RYR2: variants seen among roughly 807,000 people sequenced by gnomAD.
The protein encoded by RYR2 is cardiac muscle ryanodine receptor-calcium release channel.
RYR2 carries 227 observed loss-of-function variants against 601.1 expected under a neutral mutation model. That is an observed-to-expected ratio of 0.38 (90% CI 0.34 to 0.42). The LOEUF (loss-of-function observed/expected upper bound fraction) is 0.42, where lower values mean the gene tolerates loss of function less well. Among genes scored for constraint, RYR2 ranks in the 10% least tolerant of loss-of-function variants. The pLI, the probability that RYR2 is intolerant of heterozygous loss-of-function variation, is 1.00. For missense variants in RYR2, 4,646 were observed against 6,156.5 expected (o/e 0.75, Z 8.21); for synonymous variants, 2,223 against 2,175.1 (o/e 1.02, Z -0.61).
At chr1:237,365,108 C>T (rs1700082565) in intron 5 of RYR2, among the ~76,000 whole-genome samples, 1 of 152,180 alleles carries the variant, frequency 6.6e-6, no homozygotes, top group South Asian at 2.1e-4. Context: ...TACCTTTCTC[C>T]TATAACATTT....
chr1:237,754,447 C>T (rs1481427311), intron 80 of RYR2, among the ~76,000 whole-genome samples: 1 of 152,128 alleles, frequency 6.6e-6, no homozygotes, highest in Non-Finnish European at 1.5e-5. Flanking sequence ...TGTTTTTTCT[C>T]AAGAGTGTGT....
chr1:237,780,127 ATATT>A (rs10546808), intron 88 of RYR2, among the ~76,000 whole-genome samples: 10,746 of 152,096 alleles, frequency 0.071, 903 homozygotes, highest in African/African-American at 0.21. Flanking sequence ...GTTAGAAACT[ATATT>A]TATTAGTGTT....
chr1:237,576,178 A>G (rs749354829), intron 29 of RYR2, among the ~76,000 whole-genome samples: 3 of 152,232 alleles, frequency 2.0e-5, no homozygotes, highest in Non-Finnish European at 2.9e-5. Context: ...TAATTCTTCC[A>G]AAAGTGATCT....
intron 1 of RYR2, among the ~76,000 whole-genome samples, chr1:237,206,199 C>A (rs994498045): frequency 6.6e-6 from 1 of 152,134 alleles, no homozygotes. Flanking sequence ...GGACCGTGAG[C>A]CACTAGGACC....
rs1432987947 is a variant in RYR2 at position 237,655,922 on chromosome 1, G to T, written c.8067G>T (p.Met2689Ile). 1 of 1,612,792 alleles carries T rather than the reference G, an allele frequency of 6.2e-7. No individual in the cohort carries two copies. The highest frequency in any genetic ancestry group is 1.1e-5 in the South Asian group (1 of 90,862). The change falls in exon 53 of 105, where the codon ATG becomes ATT. Residue 2689 changes from methionine to isoleucine, a missense_variant. Around this residue, in one of 17 missense-constraint regions of RYR2, gnomAD observed 1,497 missense variants for 1,842.6 expected, o/e 0.81. Transcript: ENST00000366574. ...DYMESNYVSM[M>I]EKQSSMDSEG... ...TGGAGTCAAATTATGTCAGTATGAT[G>T]GAAAAACAGTCATCAATGGATTCTG...
chr1:237,670,555 C>T (rs1326075526), intron 58 of RYR2, among the ~76,000 whole-genome samples: 1 of 152,032 alleles, frequency 6.6e-6, no homozygotes, highest in African/African-American at 2.4e-5. Flanking sequence ...CAGGGTATTG[C>T]CCACATAACT....
chr1:237,691,644 G>C (rs998943669), intron 63 of RYR2, among the ~76,000 whole-genome samples: 1 of 152,126 alleles, frequency 6.6e-6, no homozygotes, highest in Non-Finnish European at 1.5e-5. Context: ...ACCATTTTAT[G>C]TTATGTTTAA....
chr1:237,235,032 C>G (rs1246361552), intron 1 of RYR2, among the ~76,000 whole-genome samples: 3 of 152,066 alleles, frequency 2.0e-5, no homozygotes, highest in African/African-American at 7.3e-5. Context: ...CTTGGTGTCC[C>G]TTTGAAGGGT....
intron 10 of RYR2, among the ~76,000 whole-genome samples, chr1:237,401,686 G>A (rs954559092): frequency 6.6e-6 from 1 of 152,186 alleles, no homozygotes; most frequent in African/African-American, 2.4e-5. Flanking sequence ...GTTTTATTAT[G>A]TAAGAATGAT....
chr1:237,488,171 G>T (rs568448996), intron 17 of RYR2, among the ~76,000 whole-genome samples: 6 of 151,886 alleles, frequency 4.0e-5, no homozygotes, highest in Admixed American at 2.0e-4. Flanking sequence ...TAACTTCTTG[G>T]TCTTTTTTCT....
intron 1 of RYR2, among the ~76,000 whole-genome samples, chr1:237,182,875 TA>T (rs1249511385): frequency 1.3e-5 from 2 of 152,228 alleles, no homozygotes; most frequent in African/African-American, 4.8e-5. Context: ...ATTTTGATTC[TA>T]AATCCATTGA....
chr1:237,750,683 TC>T (rs980639615), intron 80 of RYR2, among the ~76,000 whole-genome samples: 2 of 152,050 alleles, frequency 1.3e-5, no homozygotes, highest in African/African-American at 4.8e-5. Flanking sequence ...AGCATTTTTT[TC>T]CCCTGAGGAT....
At chr1:237,759,936 C>G in intron 83 of RYR2, 84 bp downstream of exon 83, 3 of 823,906 alleles carry the variant, frequency 3.6e-6, no homozygotes, top group Non-Finnish European at 4.1e-6. Flanking sequence ...ACGATAATTG[C>G]ACATAGAAGA....
intron 60 of RYR2, among the ~76,000 whole-genome samples, chr1:237,676,459 A>G (rs946930583): frequency 1.3e-5 from 2 of 152,152 alleles, no homozygotes; most frequent in African/African-American, 2.4e-5. Flanking sequence ...ACAGGAGAGA[A>G]AGTAGGCTAC....
chr1:237,761,156 C>A, intron 84 of RYR2, 128 bp downstream of exon 84: 1 of 658,508 alleles, frequency 1.5e-6, no homozygotes, highest in South Asian at 2.0e-5. Flanking sequence ...TTACATGACT[C>A]ATTTCAAAGT....
intron 1 of RYR2, among the ~76,000 whole-genome samples, chr1:237,213,825 CTGGCAA>C (rs1682849500): frequency 6.7e-6 from 1 of 149,660 alleles, no homozygotes; most frequent in African/African-American, 2.5e-5. Context: ...GAAATTTATT[CTGGCAA>C]AGGATAGGGA....
rs759331222 is a variant in RYR2 at position 237,634,898 on chromosome 1, C to G, written c.6698C>G (p.Ala2233Gly). The G allele has an allele frequency of 6.2e-7, 1 of 1,606,138 alleles. No individual in the cohort carries two copies. The highest frequency in any genetic ancestry group is 1.1e-5 in the South Asian group (1 of 88,886). The change falls in exon 44 of 105, where the codon GCT becomes GGT. Residue 2233 changes from alanine (A) to glycine (G), a missense_variant. By Grantham distance (60) the Ala-to-Gly change is moderately conservative. This residue lies in a region of RYR2 where 137 missense variants were observed against 273.6 expected (regional missense o/e 0.50). Transcript: ENST00000366574. ...ENSSVGLASP[A>G]MRGSTPLDVA... ...TCATTTGAATTAATAGCCTCCCCAG[C>G]TATGAGAGGTTCAACACCACTGGAT...
chr1:237,060,926 G>A (rs1414961314), intron 1 of RYR2, among the ~76,000 whole-genome samples: 1 of 152,184 alleles, frequency 6.6e-6, no homozygotes, highest in Non-Finnish European at 1.5e-5. Context: ...CCTATGAGTA[G>A]AATTGCTGAT....
chr1:237,780,094 T>C (rs1019347344), intron 88 of RYR2, among the ~76,000 whole-genome samples: 3 of 152,148 alleles, frequency 2.0e-5, no homozygotes, highest in African/African-American at 7.2e-5. Context: ...GCTGGGATCA[T>C]CCTTGACATG....
Sources: allele counts gnomAD v4.1 joint callset (sites outside exome capture counted in the v4.1 genomes callset), GRCh38; gene constraint gnomAD v4.1.1; regional missense constraint gnomAD v4.1.1; transcripts MANE v1.5; gene names NCBI Gene and HGNC (gene_info 2026-07-23, HGNC 2026-07-21).